The following GRIK4 variants were observed in gnomAD, a reference collection of about 807,000 sequenced individuals.
GRIK4 encodes the protein glutamate receptor ionotropic, kainate 4.
In GRIK4, 40 loss-of-function variants were observed where a neutral mutation model predicts 104.9. The ratio of observed to expected loss-of-function variants is 0.38; its 90% CI spans 0.30 to 0.50. The LOEUF is 0.50. GRIK4 is among the 20% of genes least tolerant of loss of function. The pLI is 0.93. For synonymous variants in GRIK4, 485 were observed against 524.9 expected (o/e 0.92, Z 1.04); for missense variants, 1,047 against 1,308.1 (o/e 0.80, Z 3.08).
chr11:120,981,971 A>G, intron 19 of GRIK4, 135 bp from the exon 20 acceptor site: 1 of 686,142 alleles, frequency 1.5e-6, no homozygotes, highest in Non-Finnish European at 2.6e-6. Context: ...CTACATGTCA[A>G]GTAGATGCAT....
At chr11:120,623,882 G>A (rs1009393202) in intron 1 of GRIK4, among the ~76,000 whole-genome samples, 2 of 152,092 alleles carry the variant, frequency 1.3e-5, no homozygotes, top group African/African-American at 4.8e-5. Flanking sequence ...CAGAGCTCCT[G>A]CTGCCCTCCG....
chr11:120,832,406 A>T (rs1225523028), intron 7 of GRIK4, among the ~76,000 whole-genome samples: 2 of 152,198 alleles, frequency 1.3e-5, no homozygotes, highest in Non-Finnish European at 2.9e-5. Context: ...CCGTAGTTTA[A>T]CAACAGGACC....
chr11:120,846,618 G>T (rs1274946056), intron 8 of GRIK4, among the ~76,000 whole-genome samples: 1 of 152,176 alleles, frequency 6.6e-6, no homozygotes, highest in African/African-American at 2.4e-5. Flanking sequence ...GTGAGATGAT[G>T]TCCTTCTGCT....
At chr11:120,930,003 G>T (rs1316251) in intron 13 of GRIK4, among the ~76,000 whole-genome samples, 2 of 110,674 alleles carry the variant, frequency 1.8e-5, no homozygotes, top group Non-Finnish European at 3.7e-5. Flanking sequence ...GGCCACGTTT[G>T]GGGGGGGGGT....
chr11:120,615,326 G>A (rs1025234656), intron 1 of GRIK4, among the ~76,000 whole-genome samples: 2 of 152,216 alleles, frequency 1.3e-5, no homozygotes, highest in Non-Finnish European at 2.9e-5. Context: ...AGCATTGAGC[G>A]GGTTGGGTGG....
rs536191177 is a variant in GRIK4 at position 120,538,854 on chromosome 11, C to T, written c.-159+26967C>T. ...GGGGCTCAGGGCTCTAACTGTATTT[C>T]AGGAATGACTGGCATCTTCCCAAGG... On this transcript the variant is annotated intron_variant, in intron 1 of 20. Transcript: ENST00000527524. Among the ~76,000 whole-genome samples the T allele has an allele frequency of 2.0e-5, 3 of 152,310 alleles. No individual in the cohort carries two copies. The South Asian group carries it at 6.2e-4, about 32-fold the overall frequency.
chr11:120,582,420 G>A (rs1187820454), intron 1 of GRIK4, among the ~76,000 whole-genome samples: 1 of 152,070 alleles, frequency 6.6e-6, no homozygotes, highest in Non-Finnish European at 1.5e-5. Flanking sequence ...GAGGTAATAA[G>A]TATAGTACCT....
At chr11:120,647,240 G>C (rs1949556593) in intron 1 of GRIK4, among the ~76,000 whole-genome samples, 1 of 152,176 alleles carries the variant, frequency 6.6e-6, no homozygotes, top group South Asian at 2.1e-4. Flanking sequence ...GTGGGAAAAT[G>C]TCTGTGCTCT....
intron 1 of GRIK4, among the ~76,000 whole-genome samples, chr11:120,596,464 A>G: frequency 6.6e-6 from 1 of 152,216 alleles, no homozygotes; most frequent in Non-Finnish European, 1.5e-5. Flanking sequence ...CGCTTCAGAG[A>G]GAGACTGGAG....
chr11:120,982,286 T>G, intron 20 of GRIK4, 62 bp downstream of exon 20: 1 of 892,714 alleles, frequency 1.1e-6, no homozygotes, highest in Non-Finnish European at 1.9e-6. Flanking sequence ...CACAGGCTCA[T>G]GCACATATAA....
chr11:120,963,581 A>G (rs1944330084), intron 18 of GRIK4, among the ~76,000 whole-genome samples: 1 of 152,254 alleles, frequency 6.6e-6, no homozygotes, highest in South Asian at 2.1e-4. Context: ...GGGAAGAAGC[A>G]GGAATCGAGG....
intron 3 of GRIK4, among the ~76,000 whole-genome samples, chr11:120,678,924 C>T (rs7119977): frequency 0.55 from 83,115 of 151,250 alleles, 23,467 homozygotes; most frequent in African/African-American, 0.67. Flanking sequence ...TGAGCCACCA[C>T]GCCTGGCCTG....
At chr11:120,978,423 T>C (rs1405058678) in intron 19 of GRIK4, among the ~76,000 whole-genome samples, 1 of 152,046 alleles carries the variant, frequency 6.6e-6, no homozygotes, top group Non-Finnish European at 1.5e-5. Flanking sequence ...AGGGGTAGGT[T>C]CCAGGCAGAG....
chr11:120,785,350 A>G (rs1287175434), intron 3 of GRIK4, among the ~76,000 whole-genome samples: 1 of 152,082 alleles, frequency 6.6e-6, no homozygotes, highest in African/African-American at 2.4e-5. Context: ...CTTCCTACCC[A>G]AAAGAAAACC....
intron 3 of GRIK4, among the ~76,000 whole-genome samples, chr11:120,789,178 A>T (rs1354026981): frequency 6.6e-6 from 1 of 152,076 alleles, no homozygotes; most frequent in Non-Finnish European, 1.5e-5. Flanking sequence ...TCCAGCCTGG[A>T]TCATTATCTG....
chr11:120,660,838 C>G (rs7940234), intron 3 of GRIK4, among the ~76,000 whole-genome samples: 98,139 of 152,008 alleles, frequency 0.65, 31,804 homozygotes, highest in East Asian at 0.72. Flanking sequence ...AGTCTGCTGG[C>G]GTGGCCTGGC....
At chr11:120,970,637 G>A (rs372392932) in intron 19 of GRIK4, among the ~76,000 whole-genome samples, 1 of 151,712 alleles carries the variant, frequency 6.6e-6, no homozygotes. Context: ...CAGCCCCATT[G>A]GCAAGCTCTG....
chr11:120,861,952 T>A lies in GRIK4; in HGVS notation c.745-7T>A. ...ACATTCTTATTTCTGATGCTGGGTC[T>A]TTCCAGGAGTTCTCACTCCAGAGAA... is the stretch of plus-strand genomic sequence containing the variant. On this transcript the variant is annotated splice_region_variant and splice_polypyrimidine_tract_variant and intron_variant, in intron 8 of 20. Coordinates refer to ENST00000527524, the MANE Select transcript of GRIK4 (RefSeq NM_014619.5). The A allele has an allele frequency of 6.2e-7, 1 of 1,609,574 alleles. No homozygotes were observed. The highest frequency in any genetic ancestry group is 8.5e-7 in the Non-Finnish European group (1 of 1,176,140).
chr11:120,900,169 A>T (rs1942693606), intron 12 of GRIK4, among the ~76,000 whole-genome samples: 1 of 152,166 alleles, frequency 6.6e-6, no homozygotes, highest in Admixed American at 6.5e-5. Flanking sequence ...AAAGACAGGG[A>T]ATGAGTGGGG....
Sources: allele counts gnomAD v4.1 joint callset (sites outside exome capture counted in the v4.1 genomes callset), GRCh38; gene constraint gnomAD v4.1.1; transcripts MANE v1.5; gene names NCBI Gene and HGNC (gene_info 2026-07-23, HGNC 2026-07-21).